Variants in RORB observed in about 807,000 individuals in gnomAD.
RORB encodes the protein nuclear receptor ROR-beta.
A neutral mutation model predicts 59.1 loss-of-function variants in RORB; 6 were observed. That is an observed-to-expected ratio of 0.10 (90% confidence interval 0.06 to 0.20). The LOEUF is 0.20. Among genes scored for constraint, RORB ranks in the 10% least tolerant of loss-of-function variants. The pLI, the probability that RORB is intolerant of heterozygous loss-of-function variation, is 1.00. For synonymous variants in RORB, 215 were observed against 204.5 expected (o/e 1.05, Z -0.44); for missense variants, 320 against 560.5 (o/e 0.57, Z 4.33).
chr9:74,606,503 C>T (rs1407087407), intron 1 of RORB, among the ~76,000 whole-genome samples: 2 of 152,174 alleles, frequency 1.3e-5, no homozygotes, highest in Admixed American at 6.5e-5. Flanking sequence ...GGAAAAGAAC[C>T]GTGCACAGTT....
At chr9:74,518,120 A>T (rs1351456708) in intron 1 of RORB, among the ~76,000 whole-genome samples, 1 of 151,992 alleles carries the variant, frequency 6.6e-6, no homozygotes, top group Non-Finnish European at 1.5e-5. Flanking sequence ...CTCTGGGTCT[A>T]TCTCATTTGT....
At chr9:74,669,623 G>T (rs980905611) in intron 8 of RORB, among the ~76,000 whole-genome samples, 30 of 151,980 alleles carry the variant, frequency 2.0e-4, no homozygotes, top group African/African-American at 7.3e-4. Context: ...GCTGTTGTTT[G>T]GTTACATTTT....
intron 1 of RORB, among the ~76,000 whole-genome samples, chr9:74,543,683 A>G (rs945997515): frequency 6.6e-6 from 1 of 152,226 alleles, no homozygotes; most frequent in South Asian, 2.1e-4. Context: ...ACATATGTCC[A>G]AATGAAAACA....
intron 1 of RORB, among the ~76,000 whole-genome samples, chr9:74,562,833 A>G (rs1440285678): frequency 6.6e-6 from 1 of 152,204 alleles, no homozygotes; most frequent in Non-Finnish European, 1.5e-5. Context: ...ACTCCCATGT[A>G]TACCTCACCC....
intron 3 of RORB, among the ~76,000 whole-genome samples, chr9:74,636,569 A>G (rs1486825001): frequency 2.0e-5 from 3 of 152,178 alleles, no homozygotes; most frequent in African/African-American, 7.2e-5. Flanking sequence ...CTCAAGAAGG[A>G]AGGAATTCAT....
chr9:74,639,265 G>A (rs565683195), intron 3 of RORB, among the ~76,000 whole-genome samples: 126 of 152,272 alleles, frequency 8.3e-4, no homozygotes, highest in African/African-American at 2.8e-3. Context: ...ACAATCACAC[G>A]AGCCTTTTTC....
chr9:74,672,483 G>A (rs1010580645), intron 9 of RORB, among the ~76,000 whole-genome samples: 2 of 152,122 alleles, frequency 1.3e-5, no homozygotes, highest in Non-Finnish European at 2.9e-5. Context: ...CTTCAACGCT[G>A]ATCTCTTCGT....
intron 3 of RORB, among the ~76,000 whole-genome samples, chr9:74,638,731 C>T (rs988812267): frequency 6.6e-6 from 1 of 152,092 alleles, no homozygotes; most frequent in Admixed American, 6.5e-5. Flanking sequence ...TTTATTTTTG[C>T]CATGTACTGT....
intron 1 of RORB, among the ~76,000 whole-genome samples, chr9:74,539,540 A>G (rs1587349725): frequency 6.6e-6 from 1 of 152,170 alleles, no homozygotes; most frequent in African/African-American, 2.4e-5. Flanking sequence ...CATTCGAGAC[A>G]CTGTTTTAAA....
Position 74,651,757 on chromosome 9 carries a change from C to T in RORB, c.638-8860C>T, listed in dbSNP as rs1823997169. On this transcript the variant is annotated intron_variant, in intron 4 of 9. Transcript: ENST00000376896. The stretch of plus-strand genomic sequence containing the variant: ...CTTCCTTGGTCTTACTATATAACCC[C>T]CTTAAAACTCATCAACTGCAGGACA... 3.3e-5 allele frequency among the ~76,000 whole-genome samples: 5 copies of T among 152,140 alleles called. No homozygotes were observed. The South Asian group carries it at 1.0e-3, about 32-fold the overall frequency.
At chr9:74,498,100 C>G in intron 1 of RORB, 117 bp downstream of exon 1, 1 of 1,190,730 alleles carries the variant, frequency 8.4e-7, no homozygotes, top group Non-Finnish European at 1.2e-6. Flanking sequence ...AGGCGCAGTT[C>G]CCCGAATTCG....
intron 1 of RORB, among the ~76,000 whole-genome samples, chr9:74,556,748 G>C (rs892952415): frequency 1.3e-5 from 2 of 152,166 alleles, no homozygotes; most frequent in African/African-American, 4.8e-5. Context: ...GGTGCTTTGT[G>C]TGCTGGGGAG....
At chr9:74,515,776 C>A (rs1826001089) in intron 1 of RORB, among the ~76,000 whole-genome samples, 1 of 151,944 alleles carries the variant, frequency 6.6e-6, no homozygotes. Context: ...CATCTGTAAC[C>A]AGTAAAAGCT....
In RORB at chr9:74,692,872, T is replaced by A. The variant is rs1824768566; in HGVS notation, c.*7254T>A. 6.6e-6 allele frequency: 1 copy of A among 152,204 alleles called. No individual in the cohort carries two copies. Among genetic ancestry groups the A allele is most frequent in the African/African-American group, 2.4e-5 (1 of 41,458 alleles). 9.4% of individuals were successfully genotyped at this position (152,204 alleles called of 1,614,324 possible). On this transcript the variant is annotated 3_prime_UTR_variant, in exon 10 of 10. Transcript: ENST00000376896. ...CTCTCCTTGTTTAATATATAAGCCC[T>A]AATTTCTGTGTATGTGAGTAAAACT...
intron 1 of RORB, among the ~76,000 whole-genome samples, chr9:74,552,338 A>G (rs527723404): frequency 2.7e-4 from 41 of 152,266 alleles, no homozygotes; most frequent in African/African-American, 9.9e-4. Context: ...GATTAAGAAC[A>G]CAGGCTCTGA....
intron 1 of RORB, among the ~76,000 whole-genome samples, chr9:74,623,849 T>A (rs564555540): frequency 6.6e-6 from 1 of 152,372 alleles, no homozygotes; most frequent in South Asian, 2.1e-4. Context: ...CAGGAAAAGA[T>A]GAATTTAATG....
At position 74,527,664 on chromosome 9, in the gene RORB, T is replaced by C. The variant is rs114116431; in HGVS notation, c.7+29681T>C. On this transcript the variant is annotated intron_variant, in intron 1 of 9. Transcript: ENST00000376896. Reference sequence around the variant, plus strand: ...TTTTACAGAAGAGAGAACACAACCGTCCGCAATTCATGTTTTGTCAAAGAT... The same window carrying C: ...TTTTACAGAAGAGAGAACACAACCGCCCGCAATTCATGTTTTGTCAAAGAT... Among the ~76,000 whole-genome samples the C allele has an allele frequency of 5.8e-3, 889 of 152,102 alleles. 3 individuals carry two copies. Among genetic ancestry groups the C allele is most frequent in the African/African-American group, 0.021 (857 of 41,520 alleles).
intron 4 of RORB, among the ~76,000 whole-genome samples, chr9:74,651,608 T>C (rs1417945022): frequency 3.3e-5 from 5 of 151,758 alleles, no homozygotes; most frequent in African/African-American, 1.2e-4. Context: ...ACACAGACCT[T>C]AGAAAACATC....
chr9:74,669,344 T>C (rs1824314286), intron 8 of RORB, among the ~76,000 whole-genome samples: 2 of 152,054 alleles, frequency 1.3e-5, no homozygotes, highest in Non-Finnish European at 2.9e-5. Context: ...CTGGATATGG[T>C]GGCAGATGCC....
Sources: allele counts gnomAD v4.1 joint callset (sites outside exome capture counted in the v4.1 genomes callset), GRCh38; gene constraint gnomAD v4.1.1; transcripts MANE v1.5; gene names NCBI Gene and HGNC (gene_info 2026-07-23, HGNC 2026-07-21).